The following KIAA0232 variants were observed in gnomAD, a reference collection of about 807,000 sequenced individuals.
KIAA0232 encodes KIAA0232.
Under a neutral mutation model 122.0 loss-of-function variants are expected in KIAA0232, and 27 were observed. The observed-to-expected ratio is 0.22, with a 90% CI of 0.16 to 0.31. The LOEUF is 0.31. Ranked by LOEUF, KIAA0232 falls within the 10% of genes least tolerant of loss-of-function variation. The pLI, the probability that KIAA0232 is intolerant of heterozygous loss-of-function variation, is 1.00. For synonymous variants in KIAA0232, 613 were observed against 587.6 expected (o/e 1.04, Z -0.63); for missense variants, 1,551 against 1,634.2 (o/e 0.95, Z 0.88).
At chr4:6,844,947 A>G (rs1719873066) in intron 4 of KIAA0232, among the ~76,000 whole-genome samples, 2 of 152,214 alleles carry the variant, frequency 1.3e-5, no homozygotes, top group African/African-American at 4.8e-5. Context: ...CTCACGAGAG[A>G]CCTGAACTGG....
intron 7 of KIAA0232, among the ~76,000 whole-genome samples, chr4:6,865,566 G>A (rs1432196110): frequency 2.0e-5 from 3 of 152,252 alleles, no homozygotes; most frequent in African/African-American, 7.2e-5. Flanking sequence ...CTCCCAAAGT[G>A]TTGGGATTAC....
chr4:6,823,913 A>G (rs921937674), intron 2 of KIAA0232, among the ~76,000 whole-genome samples: 1 of 152,174 alleles, frequency 6.6e-6, no homozygotes, highest in Non-Finnish European at 1.5e-5. Flanking sequence ...TCATAGGTAC[A>G]GTCATGGTGC....
chr4:6,783,497 C>T (rs1182602399), intron 1 of KIAA0232, among the ~76,000 whole-genome samples: 2 of 152,158 alleles, frequency 1.3e-5, no homozygotes, highest in African/African-American at 4.8e-5. Flanking sequence ...GGGAGGCGCC[C>T]GGCGTCCCCG....
intron 4 of KIAA0232, among the ~76,000 whole-genome samples, chr4:6,853,021 A>C (rs777174508): frequency 6.6e-6 from 1 of 152,162 alleles, no homozygotes; most frequent in Non-Finnish European, 1.5e-5. Context: ...TACTTTCTGG[A>C]GAGATTAAGT....
chr4:6,854,584 G>C (rs147726134), intron 4 of KIAA0232, among the ~76,000 whole-genome samples: 64 of 152,336 alleles, frequency 4.2e-4, no homozygotes, highest in Admixed American at 1.2e-3. Context: ...GCCAGCGTCT[G>C]TATGTGGCTC....
chr4:6,827,023 A>C (rs980530944), intron 3 of KIAA0232, among the ~76,000 whole-genome samples: 1 of 152,194 alleles, frequency 6.6e-6, no homozygotes, highest in African/African-American at 2.4e-5. Context: ...TCCTCAGGAC[A>C]CAGGACAGAT....
intron 4 of KIAA0232, among the ~76,000 whole-genome samples, chr4:6,850,319 C>T (rs1282638208): frequency 6.6e-6 from 1 of 152,152 alleles, no homozygotes; most frequent in Non-Finnish European, 1.5e-5. Context: ...TAATGACTTT[C>T]CTGGTCATCC....
At chr4:6,871,374 C>T (rs1466390195) in intron 7 of KIAA0232, among the ~76,000 whole-genome samples, 200 bp from the exon 8 acceptor site, 1 of 152,148 alleles carries the variant, frequency 6.6e-6, no homozygotes, top group Admixed American at 6.5e-5. Flanking sequence ...GTGGAGGTTG[C>T]AGTGAGCCAA....
intron 1 of KIAA0232, among the ~76,000 whole-genome samples, chr4:6,786,948 C>T (rs567887340): frequency 9.9e-5 from 15 of 151,886 alleles, no homozygotes; most frequent in Admixed American, 3.9e-4. Flanking sequence ...CTTGGGAGGC[C>T]GAGGCGGGCG....
chr4:6,875,130 A>G (rs904629687), intron 8 of KIAA0232, among the ~76,000 whole-genome samples: 1 of 152,214 alleles, frequency 6.6e-6, no homozygotes, highest in Non-Finnish European at 1.5e-5. Context: ...TCCCAGCCTC[A>G]GCAGAGGACA....
At chr4:6,813,399 G>A (rs1717966938) in intron 2 of KIAA0232, among the ~76,000 whole-genome samples, 1 of 147,458 alleles carries the variant, frequency 6.8e-6, no homozygotes, top group Non-Finnish European at 1.5e-5. Context: ...GTCTCGCTCT[G>A]TTGCCCAGGC....
chr4:6,798,585 G>A (rs530146037), intron 1 of KIAA0232, among the ~76,000 whole-genome samples: 102 of 152,244 alleles, frequency 6.7e-4, no homozygotes, highest in African/African-American at 2.4e-3. Flanking sequence ...ACAGGGTCTC[G>A]CTGTCGCACA....
chr4:6,789,503 A>AC (rs1420807913), intron 1 of KIAA0232, among the ~76,000 whole-genome samples: 3 of 151,260 alleles, frequency 2.0e-5, no homozygotes, highest in African/African-American at 7.3e-5. Flanking sequence ...TGAACTCCTG[A>AC]CCTCATGATC....
rs1173414986 is a variant in KIAA0232, at chr4:6,860,955, C to A, written c.573C>A (p.Ile191=). 2 of 1,614,096 alleles carry A rather than the reference C, an allele frequency of 1.2e-6. No individual in the cohort carries two copies. The highest frequency in any genetic ancestry group is 1.1e-5 in the South Asian group (1 of 91,062). ...LSEKPVCLQE[I]MTVWNKSKVC... is the part of the protein sequence containing the mutation. The stretch of plus-strand genomic sequence containing the variant: ...AGAAACCAGTTTGCCTGCAAGAAAT[C>A]ATGACTGTGTGGAACAAGTCTAAAG... The change falls in exon 7 of 10, where the codon ATC becomes ATA. Residue 191 remains isoleucine (I), a synonymous_variant. Transcript: ENST00000307659.
Position 6,861,951 on chromosome 4 carries a change from C to A in KIAA0232, c.1569C>A (p.Ala523=). Residue 523 remains alanine, a synonymous_variant, in exon 7 of 10, where the codon GCC becomes GCA. Coordinates refer to ENST00000307659, the MANE Select transcript of KIAA0232 (RefSeq NM_014743.3). The part of the protein sequence containing the change: ...DIDQSMLDPG[A]SETMQGESRI... Reference sequence around the variant, plus strand: ...ATCAATCCATGTTGGATCCTGGTGCCTCAGAAACAATGCAAGGAGAAAGTC... The same window carrying A: ...ATCAATCCATGTTGGATCCTGGTGCATCAGAAACAATGCAAGGAGAAAGTC... 6.2e-7 allele frequency: 1 copy of A among 1,613,988 alleles called. No individual in the cohort carries two copies. The highest frequency in any genetic ancestry group is 8.5e-7 in the Non-Finnish European group (1 of 1,179,956).
chr4:6,875,734 G>A (rs2108844937), intron 8 of KIAA0232, among the ~76,000 whole-genome samples: 1 of 152,240 alleles, frequency 6.6e-6, no homozygotes, highest in East Asian at 1.9e-4. Context: ...GGGTGTTAAA[G>A]GACTTAATGC....
At chr4:6,880,518 G>T (rs1722017653) in intron 9 of KIAA0232, among the ~76,000 whole-genome samples, 1 of 152,250 alleles carries the variant, frequency 6.6e-6, no homozygotes. Context: ...GGTACTCAAA[G>T]ACTTTGAAAA....
At chr4:6,784,440 G>T (rs903043726) in intron 1 of KIAA0232, among the ~76,000 whole-genome samples, 4 of 152,050 alleles carry the variant, frequency 2.6e-5, no homozygotes, top group African/African-American at 9.7e-5. Flanking sequence ...GAGGGCGGGG[G>T]GGGAGGAGGA....
At chr4:6,854,764 T>C (rs1720483011) in intron 4 of KIAA0232, among the ~76,000 whole-genome samples, 1 of 152,238 alleles carries the variant, frequency 6.6e-6, no homozygotes, top group African/African-American at 2.4e-5. Flanking sequence ...TTTTTTCACC[T>C]ATAGCTTGTG....
Sources: gnomAD v4.1 joint callset for allele counts (sites outside exome capture counted in the v4.1 genomes callset) on GRCh38, gnomAD v4.1.1 for gene constraint, MANE v1.5 for transcripts, NCBI Gene and HGNC (gene_info 2026-07-23, HGNC 2026-07-21) for gene names.